SLC14A2: variants seen among roughly 807,000 people sequenced by gnomAD.
SLC14A2 encodes urea transporter 2.
Under a neutral mutation model 104.6 loss-of-function variants are expected in SLC14A2, and 91 were observed. The observed-to-expected ratio is 0.87, with a 90% CI of 0.73 to 1.04. The LOEUF is 1.04. Among genes scored for constraint, SLC14A2 ranks in the 50% least tolerant of loss-of-function variants. The probability of loss-of-function intolerance (pLI) is 0.00; values close to 1 mark genes in which losing one functional copy is unlikely to be tolerated. For missense variants in SLC14A2, 1,189 were observed against 1,156.0 expected (o/e 1.03, Z -0.41); for synonymous variants, 476 against 466.4 (o/e 1.02, Z -0.27).
chr18:45,499,039 T>C (rs370898698), intron 2 of SLC14A2, among the ~76,000 whole-genome samples: 1 of 152,330 alleles, frequency 6.6e-6, no homozygotes, highest in African/African-American at 2.4e-5. Context: ...TGCATGACTC[T>C]GTCCCCTTGG....
chr18:45,265,377 G>A (rs1045466158), intron 1 of SLC14A2, among the ~76,000 whole-genome samples: 2 of 152,164 alleles, frequency 1.3e-5, no homozygotes, highest in African/African-American at 4.8e-5. Context: ...GGGCCATCTT[G>A]TAGAGTTATG....
At chr18:45,221,371 A>G (rs2084060456) in intron 1 of SLC14A2, among the ~76,000 whole-genome samples, 1 of 152,216 alleles carries the variant, frequency 6.6e-6, no homozygotes, top group Admixed American at 6.5e-5. Context: ...TGTGTTTGAA[A>G]AATCCAGGGG....
At chr18:45,299,745 ACCCACCGTGC>A (rs1406026154) in intron 1 of SLC14A2, among the ~76,000 whole-genome samples, 4 of 152,122 alleles carry the variant, frequency 2.6e-5, no homozygotes, top group African/African-American at 9.7e-5. Context: ...TACAGGTGTG[ACCCACCGTGC>A]CCGGCACATC....
intron 10 of SLC14A2, among the ~76,000 whole-genome samples, chr18:45,651,288 G>T (rs1403548016): frequency 6.6e-6 from 1 of 152,160 alleles, no homozygotes; most frequent in Non-Finnish European, 1.5e-5. Context: ...GCAAAGGAGG[G>T]CATGCCAAGA....
intron 1 of SLC14A2, among the ~76,000 whole-genome samples, chr18:45,405,056 A>G (rs949650825): frequency 6.6e-6 from 1 of 152,102 alleles, no homozygotes; most frequent in African/African-American, 2.4e-5. Context: ...TAGAAGATCC[A>G]TGTCCCTACT....
intron 1 of SLC14A2, among the ~76,000 whole-genome samples, chr18:45,347,354 C>CA (rs1182463849): frequency 6.6e-6 from 1 of 152,122 alleles, no homozygotes; most frequent in African/African-American, 2.4e-5. Context: ...GACCCTGTCT[C>CA]AAAAAACAAA....
chr18:45,509,094 T>C (rs542464121), intron 2 of SLC14A2, among the ~76,000 whole-genome samples: 1 of 152,224 alleles, frequency 6.6e-6, no homozygotes, highest in South Asian at 2.1e-4. Flanking sequence ...TTGCAAGCCT[T>C]TGGAAGAGTC....
At chr18:45,680,928 C>T (rs902795811) in intron 19 of SLC14A2, among the ~76,000 whole-genome samples, 1 of 152,190 alleles carries the variant, frequency 6.6e-6, no homozygotes, top group Non-Finnish European at 1.5e-5. Flanking sequence ...ATGGGTGCCC[C>T]TTACAGACCC....
intron 1 of SLC14A2, among the ~76,000 whole-genome samples, chr18:45,394,585 C>T (rs1028738939): frequency 5.9e-5 from 9 of 152,072 alleles, no homozygotes; most frequent in African/African-American, 1.4e-4. Context: ...TTTTGATTTG[C>T]GTTTCCCTGA....
chr18:45,517,797 ATC>A (rs2043462821), intron 2 of SLC14A2, among the ~76,000 whole-genome samples: 2 of 152,186 alleles, frequency 1.3e-5, no homozygotes, highest in Admixed American at 1.3e-4. Flanking sequence ...GAAAACTTTA[ATC>A]TCTCTTTCCC....
At chr18:45,500,628 T>A (rs188671608) in intron 2 of SLC14A2, among the ~76,000 whole-genome samples, 1 of 149,738 alleles carries the variant, frequency 6.7e-6, no homozygotes, top group Non-Finnish European at 1.5e-5. Context: ...CGCATGAGTG[T>A]GTTAGTAATC....
intron 1 of SLC14A2, among the ~76,000 whole-genome samples, chr18:45,255,329 G>GAT (rs1341695972): frequency 6.6e-6 from 1 of 152,144 alleles, no homozygotes; most frequent in Non-Finnish European, 1.5e-5. Flanking sequence ...TAGAGAGAGA[G>GAT]AGAGATGTTG....
intron 1 of SLC14A2, among the ~76,000 whole-genome samples, chr18:45,467,313 C>T (rs1182828836): frequency 6.6e-6 from 1 of 152,206 alleles, no homozygotes; most frequent in Non-Finnish European, 1.5e-5. Context: ...TCTAGTATCA[C>T]CCATCCCTCA....
intron 2 of SLC14A2, among the ~76,000 whole-genome samples, chr18:45,565,971 G>T (rs937714584): frequency 1.3e-5 from 2 of 152,208 alleles, no homozygotes; most frequent in African/African-American, 2.4e-5. Flanking sequence ...TGTCAGGTGG[G>T]GACATGTGTG....
intron 1 of SLC14A2, among the ~76,000 whole-genome samples, chr18:45,237,261 T>G (rs2084264313): frequency 6.6e-6 from 1 of 152,196 alleles, no homozygotes; most frequent in South Asian, 2.1e-4. Context: ...CAGAAGTTCT[T>G]GGATAACTAA....
intron 2 of SLC14A2, among the ~76,000 whole-genome samples, chr18:45,564,568 T>G (rs978930014): frequency 2.6e-5 from 4 of 152,178 alleles, no homozygotes; most frequent in African/African-American, 9.7e-5. Context: ...CCAGCTCAAC[T>G]GCCCCTTAGC....
At chr18:45,190,284 AC>A in the SLC14A2 span, among the ~76,000 whole-genome samples, 6 of 152,324 alleles carry the variant, frequency 3.9e-5, no homozygotes, top group South Asian at 1.2e-3. Context: ...ATATTAAACT[AC>A]AAAAGTTCTC....
intron 1 of SLC14A2, among the ~76,000 whole-genome samples, chr18:45,422,951 C>T (rs889945165): frequency 6.6e-6 from 1 of 152,078 alleles, no homozygotes; most frequent in Middle Eastern, 3.2e-3. Context: ...TTTTGCTGTC[C>T]CCTCCTAACT....
chr18:45,260,798 G>A (rs928990269), intron 1 of SLC14A2, among the ~76,000 whole-genome samples: 20 of 151,972 alleles, frequency 1.3e-4, no homozygotes, highest in Admixed American at 1.3e-4. Context: ...GAATACACAT[G>A]GTCATAATGA....
Sources: gnomAD v4.1 joint callset for allele counts (sites outside exome capture counted in the v4.1 genomes callset) on GRCh38, gnomAD v4.1.1 for gene constraint, MANE v1.5 for transcripts, NCBI Gene and HGNC (gene_info 2026-07-23, HGNC 2026-07-21) for gene names.